KCNU1: variants seen among roughly 807,000 people sequenced by gnomAD.
The protein encoded by KCNU1 is potassium calcium-activated channel subfamily U member 1.
In KCNU1, 93 loss-of-function variants were observed where a neutral mutation model predicts 126.8. The observed-to-expected ratio is 0.73, with a 90% confidence interval of 0.62 to 0.87. KCNU1 has a LOEUF of 0.87. Among genes scored for constraint, KCNU1 ranks in the 40% least tolerant of loss-of-function variants. The pLI, the probability that KCNU1 is intolerant of heterozygous loss-of-function variation, is 0.00. For missense variants in KCNU1, 1,330 were observed against 1,367.1 expected, an observed-to-expected ratio of 0.97 and a Z score of 0.43; for synonymous variants, 523 against 494.2, an observed-to-expected ratio of 1.06 and a Z score of -0.77.
chr8:36,786,818 G>A (rs192266957), intron 1 of KCNU1, among the ~76,000 whole-genome samples: 230 of 152,260 alleles, frequency 1.5e-3, no homozygotes, highest in Non-Finnish European at 2.4e-3. Flanking sequence ...TATAATTTCA[G>A]AATATAACAC....
chr8:36,847,530 C>A (rs543242677), intron 18 of KCNU1, among the ~76,000 whole-genome samples: 18 of 152,140 alleles, frequency 1.2e-4, no homozygotes, highest in Non-Finnish European at 1.9e-4. Context: ...CTTTAATAAC[C>A]ACAAGTCGAG....
intron 12 of KCNU1, among the ~76,000 whole-genome samples, chr8:36,835,208 A>G (rs1262288008): frequency 2.0e-5 from 3 of 152,230 alleles, no homozygotes; most frequent in Non-Finnish European, 2.9e-5. Context: ...TCAAAAATGA[A>G]GATGCAATTT....
rs201722462 is a variant in KCNU1, at chr8:36,931,069, C to T, written c.2855C>T (p.Thr952Met). ...GTCTATGGTGTGGCAGATAGCTGCA[C>T]GTCGCTCTTGTCTGGAAGAAACCGG... ...DKVYGVADSC[T>M]SLLSGRNRCK... Residue 952 changes from threonine (T) to methionine (M), a missense_variant, in exon 25 of 27, where the codon ACG becomes ATG. By Grantham distance (81) the Thr-to-Met change is moderately conservative. Transcript: ENST00000399881. The T allele has an allele frequency of 1.2e-4, 196 of 1,611,770 alleles. 1 individual carries two copies. The African/African-American group carries it at 2.0e-3, about 16-fold the overall frequency.
rs565624294 is a variant in KCNU1, at chr8:36,923,894, T to C, written c.2736+1265T>C. Among the ~76,000 whole-genome samples, 21 of 152,324 alleles carry C rather than the reference T, an allele frequency of 1.4e-4. 4 individuals carry two copies. Among genetic ancestry groups the C allele is most frequent in the African/African-American group, 5.1e-4 (21 of 41,578 alleles). On this transcript the variant is annotated intron_variant, in intron 24 of 26. Transcript: ENST00000399881. Reference sequence around the variant, plus strand: ...TTCCACATAAAGAAGGTGCATAAGCTATGAGTTAAGACTTGCCTGGGTCTG... The same window carrying C: ...TTCCACATAAAGAAGGTGCATAAGCCATGAGTTAAGACTTGCCTGGGTCTG...
intron 10 of KCNU1, among the ~76,000 whole-genome samples, chr8:36,828,119 A>C (rs1804394069): frequency 6.6e-6 from 1 of 151,668 alleles, no homozygotes; most frequent in Admixed American, 6.6e-5. Flanking sequence ...TTTGTTTAGA[A>C]AATCTTTCCC....
At chr8:36,810,804 G>A (rs1007408851) in intron 7 of KCNU1, among the ~76,000 whole-genome samples, 6 of 152,090 alleles carry the variant, frequency 3.9e-5, no homozygotes, top group Non-Finnish European at 7.3e-5. Flanking sequence ...AAACAGTTAT[G>A]AGAGCAACAA....
rs964940993 is a variant in KCNU1, at chr8:36,921,772, T to G, written c.2597-718T>G. On this transcript the variant is annotated intron_variant, in intron 23 of 26. Coordinates refer to ENST00000399881, the MANE Select transcript of KCNU1 (RefSeq NM_001031836.3). ...ACCTCAGAGGCTGCCTACCAGGGTC[T>G]GAGTTGGAGCCTGGGGCCAGTATAG... is the stretch of plus-strand genomic sequence containing the variant. 2.0e-5 allele frequency among the ~76,000 whole-genome samples: 3 copies of G among 151,930 alleles called. No homozygotes were observed. In the East Asian group the frequency reaches 5.8e-4, roughly 29 times the overall value.
At chr8:36,888,399 A>C (rs571987318) in intron 19 of KCNU1, 8 of 371,332 alleles carry the variant, frequency 2.2e-5, no homozygotes, top group East Asian at 7.2e-5. Context: ...CTCCCCCACA[A>C]CACCACTCTG....
intron 10 of KCNU1, among the ~76,000 whole-genome samples, chr8:36,826,116 C>T (rs775861209): frequency 1.5e-4 from 23 of 151,500 alleles, no homozygotes; most frequent in African/African-American, 4.4e-4. Context: ...CCTTTTCTTC[C>T]GGGATTCTAA....
chr8:36,818,353 C>CTCTT (rs576647405), intron 10 of KCNU1, among the ~76,000 whole-genome samples: 3 of 150,032 alleles, frequency 2.0e-5, no homozygotes, highest in Admixed American at 6.6e-5. Flanking sequence ...TTTGAAATTT[C>CTCTT]TCTTTCTTTC....
chr8:36,870,889 C>T (rs1218584245), intron 19 of KCNU1, among the ~76,000 whole-genome samples: 1 of 152,130 alleles, frequency 6.6e-6, no homozygotes, highest in Non-Finnish European at 1.5e-5. Flanking sequence ...TTTCATCTTT[C>T]AGAGTTACCT....
chr8:36,794,043 G>T (rs1300068491), intron 2 of KCNU1, among the ~76,000 whole-genome samples: 1 of 125,272 alleles, frequency 8.0e-6, no homozygotes, highest in African/African-American at 3.2e-5. Context: ...GACAGAGCGA[G>T]ACTCTGTCTC....
chr8:36,792,766 A>C (rs572066924), intron 2 of KCNU1, among the ~76,000 whole-genome samples: 3 of 152,306 alleles, frequency 2.0e-5, no homozygotes, highest in Non-Finnish European at 4.4e-5. Flanking sequence ...TATAATCATT[A>C]TTATAGTGTT....
chr8:36,904,994 G>T (rs987019870), intron 19 of KCNU1, among the ~76,000 whole-genome samples: 8 of 152,104 alleles, frequency 5.3e-5, no homozygotes, highest in Non-Finnish European at 1.0e-4. Context: ...TTTGACAAGG[G>T]TTTTCTTATT....
At chr8:36,878,751 G>A (rs2117388826) in intron 19 of KCNU1, among the ~76,000 whole-genome samples, 1 of 149,374 alleles carries the variant, frequency 6.7e-6, no homozygotes, top group East Asian at 2.0e-4. Flanking sequence ...ACATCAATTA[G>A]GACATATGTG....
At chr8:36,901,902 T>A (rs1263560943) in intron 19 of KCNU1, among the ~76,000 whole-genome samples, 1 of 152,152 alleles carries the variant, frequency 6.6e-6, no homozygotes, top group Non-Finnish European at 1.5e-5. Flanking sequence ...ACCTGAATGG[T>A]ACCCCGTGGC....
At chr8:36,784,918 C>G (rs16885392) in intron 1 of KCNU1, among the ~76,000 whole-genome samples, 268 of 152,322 alleles carry the variant, frequency 1.8e-3, no homozygotes, top group African/African-American at 6.2e-3. Context: ...GTCCATGCCT[C>G]TATCTCGAAT....
rs1563344366 is a variant in KCNU1, at chr8:36,933,032, GGGGAGT to G, written c.3044+2_3044+7del. On this transcript the variant is annotated splice_donor_variant and splice_donor_5th_base_variant and intron_variant, in intron 26 of 26. Coordinates refer to ENST00000399881, the MANE Select transcript of KCNU1 (RefSeq NM_001031836.3). LOFTEE classifies it high-confidence loss of function. Reference sequence around the variant, plus strand: ...GAGGAGCTCAACCCAGAAAACAAAAGGGGAGTGTGCTAGATTGGAAAGCACCATCCA... The same window carrying G: ...GAGGAGCTCAACCCAGAAAACAAAAGGTGCTAGATTGGAAAGCACCATCCA... The G allele has an allele frequency of 6.6e-7, 1 of 1,524,640 alleles. No individual in the cohort carries two copies. Among genetic ancestry groups the G allele is most frequent in the Non-Finnish European group, 8.9e-7 (1 of 1,120,324 alleles). The allele number at this position is 1,524,640 out of a possible 1,614,324, so 94.4% of individuals were successfully genotyped here. A position where few individuals can be genotyped will look rare whatever the true frequency, so the allele number is the denominator to read the frequency against.
chr8:36,869,640 C>T (rs1376421742), intron 19 of KCNU1, among the ~76,000 whole-genome samples: 1 of 152,100 alleles, frequency 6.6e-6, no homozygotes, highest in Non-Finnish European at 1.5e-5. Context: ...ATCTTCTTAG[C>T]TTATAAGCTT....
Sources: gnomAD v4.1 joint callset for allele counts (sites outside exome capture counted in the v4.1 genomes callset) on GRCh38, gnomAD v4.1.1 for gene constraint, MANE v1.5 for transcripts, NCBI Gene and HGNC (gene_info 2026-07-23, HGNC 2026-07-21) for gene names.